The following CLYBL variants were observed in gnomAD, a reference collection of about 807,000 sequenced individuals.
CLYBL encodes citramalyl-CoA lyase, mitochondrial.
A neutral mutation model predicts 38.9 loss-of-function variants in CLYBL; 31 were observed. The ratio of observed to expected loss-of-function variants is 0.80; its 90% CI spans 0.60 to 1.08. CLYBL has a LOEUF of 1.08. Among genes scored for constraint, CLYBL ranks in the 50% least tolerant of loss-of-function variants. CLYBL has a pLI of 0.00. For synonymous variants in CLYBL, 171 were observed against 158.6 expected (o/e 1.08, Z -0.59); for missense variants, 434 against 411.6 (o/e 1.05, Z -0.47).
chr13:99,791,775 T>C (rs1352003277), intron 2 of CLYBL, among the ~76,000 whole-genome samples: 2 of 152,212 alleles, frequency 1.3e-5, no homozygotes, highest in Non-Finnish European at 2.9e-5. Context: ...CCCAAACAAG[T>C]GTCTGAGAGC....
rs2050402701 is a variant in CLYBL, at chr13:99,814,481, G to T, written c.249+41471G>T. Among the ~76,000 whole-genome samples, 2 of 152,232 alleles carry T rather than the reference G, an allele frequency of 1.3e-5. 1 individual carries two copies. The highest frequency in any genetic ancestry group is 4.1e-4 in the South Asian group (2 of 4,836). ...CTTATAATTGTAATTCCTGCACTTT[G>T]GGAGGCCAAGGCAAGAGGATCGCTT... On this transcript the variant is annotated intron_variant, in intron 2 of 8. Transcript: ENST00000339105.
chr13:99,791,354 C>CT (rs67957325), intron 2 of CLYBL, among the ~76,000 whole-genome samples: 1 of 87,980 alleles, frequency 1.1e-5, no homozygotes, highest in Non-Finnish European at 2.2e-5. Flanking sequence ...TAAATAGTGT[C>CT]TTTTTTAAAA....
At chr13:99,671,511 G>A (rs1230004853) in intron 1 of CLYBL, among the ~76,000 whole-genome samples, 1 of 152,144 alleles carries the variant, frequency 6.6e-6, no homozygotes, top group Non-Finnish European at 1.5e-5. Flanking sequence ...TGGGCACGAT[G>A]GCTCACACCT....
At chr13:99,705,899 A>C (rs2139474273) in intron 1 of CLYBL, among the ~76,000 whole-genome samples, 1 of 151,904 alleles carries the variant, frequency 6.6e-6, no homozygotes. Flanking sequence ...GCTAAATTGT[A>C]TGTTATGTAT....
intron 1 of CLYBL, chr13:99,727,414 A>G (rs1249789789): frequency 6.6e-6 from 1 of 152,078 alleles, no homozygotes; most frequent in Non-Finnish European, 1.5e-5. Flanking sequence ...CTTTTCAGAT[A>G]AAGGTCTCAA....
chr13:99,836,241 G>A (rs1205723527), intron 2 of CLYBL, among the ~76,000 whole-genome samples: 1 of 152,144 alleles, frequency 6.6e-6, no homozygotes, highest in Non-Finnish European at 1.5e-5. Context: ...GTGAGGCGAA[G>A]GAGGACAGAG....
intron 1 of CLYBL, among the ~76,000 whole-genome samples, chr13:99,770,421 C>T (rs2138781226): frequency 6.6e-6 from 1 of 152,114 alleles, no homozygotes; most frequent in East Asian, 1.9e-4. Flanking sequence ...GGGTTCACGC[C>T]ATTCTCCTGC....
intron 1 of CLYBL, among the ~76,000 whole-genome samples, chr13:99,662,947 C>T (rs1447802945): frequency 1.3e-5 from 2 of 152,096 alleles, no homozygotes; most frequent in African/African-American, 2.4e-5. Flanking sequence ...CACTGCTGGT[C>T]CAAAGAACAA....
intron 2 of CLYBL, among the ~76,000 whole-genome samples, chr13:99,811,939 A>T (rs1460996326): frequency 6.6e-6 from 1 of 152,210 alleles, no homozygotes; most frequent in Non-Finnish European, 1.5e-5. Flanking sequence ...CTAGTCACTG[A>T]TATTTATTTA....
At chr13:99,784,553 C>T (rs937693069) in intron 2 of CLYBL, among the ~76,000 whole-genome samples, 3 of 146,918 alleles carry the variant, frequency 2.0e-5, no homozygotes, top group Non-Finnish European at 3.0e-5. Flanking sequence ...CTCCTGGGTT[C>T]AAGCAATTCT....
intron 1 of CLYBL, among the ~76,000 whole-genome samples, chr13:99,648,707 C>A (rs1010883071): frequency 6.6e-6 from 1 of 152,082 alleles, no homozygotes; most frequent in Non-Finnish European, 1.5e-5. Context: ...TGATTCTGGT[C>A]AAATTAATTC....
chr13:99,673,399 C>T lies in CLYBL; in HGVS notation c.62+66642C>T, dbSNP rs570159024. Among the ~76,000 whole-genome samples the T allele has an allele frequency of 4.5e-4, 60 of 133,024 alleles. 1 individual carries two copies. The highest frequency in any genetic ancestry group is 4.9e-4 in the Non-Finnish European group (31 of 63,396). The allele number at this position is 133,024 out of a possible 152,430, so 87.3% of individuals were successfully genotyped here. A position where few individuals can be genotyped will look rare whatever the true frequency, so the allele number is the denominator to read the frequency against. ...CTGCACTCTAGCCTGGGCGACAGAG[C>T]GAGACTCCGTCTCAAAAAAAAAAAA... On this transcript the variant is annotated intron_variant, in intron 1 of 8. Coordinates refer to ENST00000339105, the MANE Select transcript of CLYBL (RefSeq NM_206808.5).
At chr13:99,660,410 A>G (rs888414479) in intron 1 of CLYBL, among the ~76,000 whole-genome samples, 7 of 152,184 alleles carry the variant, frequency 4.6e-5, no homozygotes, top group Admixed American at 2.0e-4. Flanking sequence ...TGTTGCCCCA[A>G]GTCCCCAAGC....
chr13:99,780,146 A>C (rs2049611069), intron 2 of CLYBL, among the ~76,000 whole-genome samples: 1 of 152,202 alleles, frequency 6.6e-6, no homozygotes, highest in Non-Finnish European at 1.5e-5. Flanking sequence ...ATTTAGAATT[A>C]CTACATATTC....
intron 2 of CLYBL, among the ~76,000 whole-genome samples, chr13:99,829,718 A>G (rs2050767645): frequency 6.6e-6 from 1 of 152,166 alleles, no homozygotes; most frequent in South Asian, 2.1e-4. Context: ...CCTTTCCTCT[A>G]AGGGTACAGT....
intron 1 of CLYBL, among the ~76,000 whole-genome samples, chr13:99,624,522 T>C (rs1022599276): frequency 6.6e-6 from 1 of 152,258 alleles, no homozygotes; most frequent in Non-Finnish European, 1.5e-5. Flanking sequence ...AGGCCAAGGT[T>C]GTTTTTAGAT....
intron 2 of CLYBL, among the ~76,000 whole-genome samples, chr13:99,784,649 T>C (rs1455655056): frequency 1.3e-5 from 2 of 151,958 alleles, no homozygotes; most frequent in African/African-American, 4.8e-5. Context: ...GAGACAGGTT[T>C]CACCATGTTG....
intron 2 of CLYBL, among the ~76,000 whole-genome samples, chr13:99,824,885 T>C (rs1228501474): frequency 6.6e-6 from 1 of 152,210 alleles, no homozygotes; most frequent in African/African-American, 2.4e-5. Context: ...TCCCTCATTA[T>C]TTGTTAGGAT....
chr13:99,761,683 GA>G (rs1370883275), intron 1 of CLYBL, among the ~76,000 whole-genome samples: 1 of 152,194 alleles, frequency 6.6e-6, no homozygotes, highest in African/African-American at 2.4e-5. Context: ...GATATATACT[GA>G]GTAGTAGAAT....
Sources: gnomAD v4.1 joint callset for allele counts (sites outside exome capture counted in the v4.1 genomes callset) on GRCh38, gnomAD v4.1.1 for gene constraint, MANE v1.5 for transcripts, NCBI Gene and HGNC (gene_info 2026-07-23, HGNC 2026-07-21) for gene names.